The following ADGRL2 variants were observed in gnomAD, a reference collection of about 807,000 sequenced individuals.
ADGRL2 encodes adhesion G protein-coupled receptor L2.
A neutral mutation model predicts 157.4 loss-of-function variants in ADGRL2; 44 were observed. The observed-to-expected ratio is 0.28, with a 90% CI of 0.22 to 0.36. The LOEUF (loss-of-function observed/expected upper bound fraction) is 0.36. Among genes scored for constraint, ADGRL2 ranks in the 10% least tolerant of loss-of-function variants. The pLI, the probability that ADGRL2 is intolerant of heterozygous loss-of-function variation, is 1.00. For synonymous variants in ADGRL2, 585 were observed against 624.7 expected (o/e 0.94, Z 0.95); for missense variants, 1,510 against 1,768.9 (o/e 0.85, Z 2.63).
chr1:81,449,657 G>A (rs2077669636), intron 2 of ADGRL2, among the ~76,000 whole-genome samples: 2 of 151,986 alleles, frequency 1.3e-5, no homozygotes, highest in South Asian at 2.1e-4. Context: ...GCTGGAGTGC[G>A]GTGGTGCAAT....
At chr1:81,984,439 TTTTG>T in intron 19 of ADGRL2, 140 bp from the exon 20 acceptor site, 6 of 789,844 alleles carry the variant, frequency 7.6e-6, no homozygotes, top group Non-Finnish European at 1.2e-5. Flanking sequence ...TTGAACTTGA[TTTTG>T]CAAGTTCAAT....
chr1:81,879,842 T>C (rs2093940848), intron 2 of ADGRL2, among the ~76,000 whole-genome samples: 1 of 151,946 alleles, frequency 6.6e-6, no homozygotes, highest in African/African-American at 2.4e-5. Flanking sequence ...GCCTGGCCAA[T>C]GTGGTGAAAC....
chr1:81,774,000 G>C (rs527449962), intron 2 of ADGRL2, among the ~76,000 whole-genome samples: 2 of 152,236 alleles, frequency 1.3e-5, no homozygotes, highest in African/African-American at 4.8e-5. Context: ...GGAGATGATC[G>C]CCATCTACAA....
intron 2 of ADGRL2, among the ~76,000 whole-genome samples, chr1:81,477,813 G>T (rs1021947817): frequency 6.6e-6 from 1 of 152,162 alleles, no homozygotes; most frequent in South Asian, 2.1e-4. Context: ...TAGTGATTCA[G>T]CTGCTTCAGG....
intron 2 of ADGRL2, among the ~76,000 whole-genome samples, chr1:81,764,545 A>G (rs2086041431): frequency 2.0e-5 from 3 of 152,088 alleles, no homozygotes; most frequent in South Asian, 4.1e-4. Context: ...GTTTACATAA[A>G]ATTATAACAG....
At chr1:81,725,153 C>T (rs911882560) in intron 1 of ADGRL2, among the ~76,000 whole-genome samples, 3 of 132,270 alleles carry the variant, frequency 2.3e-5, no homozygotes, top group Admixed American at 8.0e-5. Context: ...TGCAGTGAGC[C>T]GAGACTGTGC....
chr1:81,433,968 T>C (rs2077366478), intron 1 of ADGRL2, among the ~76,000 whole-genome samples: 1 of 152,182 alleles, frequency 6.6e-6, no homozygotes, highest in Admixed American at 6.5e-5. Context: ...GCCTGAGCTT[T>C]CCCACAGCAT....
intron 3 of ADGRL2, among the ~76,000 whole-genome samples, chr1:81,602,883 G>T (rs150194260): frequency 0.13 from 18,370 of 140,848 alleles, 1,583 homozygotes; most frequent in Non-Finnish European, 0.18. Flanking sequence ...GGGCAACAGA[G>T]CGAGACTCTG....
At chr1:81,409,700 C>T (rs1459306592) in intron 1 of ADGRL2, among the ~76,000 whole-genome samples, 1 of 152,134 alleles carries the variant, frequency 6.6e-6, no homozygotes, top group Admixed American at 6.5e-5. Context: ...CTCCATTAGT[C>T]AAATCACAAA....
At chr1:81,555,367 C>G (rs1264371845) in intron 2 of ADGRL2, among the ~76,000 whole-genome samples, 1 of 147,700 alleles carries the variant, frequency 6.8e-6, no homozygotes, top group Non-Finnish European at 1.5e-5. Flanking sequence ...CTCCTGGGTT[C>G]AAGCGATTCT....
chr1:81,895,324 T>C (rs888927004), intron 2 of ADGRL2, among the ~76,000 whole-genome samples: 1 of 151,288 alleles, frequency 6.6e-6, no homozygotes, highest in African/African-American at 2.4e-5. Context: ...GGAAATATAA[T>C]AAAAATTGGT....
At chr1:81,509,116 T>C (rs188201458) in intron 2 of ADGRL2, among the ~76,000 whole-genome samples, 43 of 152,312 alleles carry the variant, frequency 2.8e-4, no homozygotes, top group Non-Finnish European at 5.3e-4. Context: ...ATTCCCTGCT[T>C]TTCAGAATGC....
intron 1 of ADGRL2, among the ~76,000 whole-genome samples, chr1:81,395,021 C>T (rs2076630323): frequency 6.6e-6 from 1 of 152,072 alleles, no homozygotes; most frequent in Non-Finnish European, 1.5e-5. Context: ...GCTTTAGCCT[C>T]CCGAGTAGCT....
At position 81,426,306 on chromosome 1, in the gene ADGRL2, A is replaced by T. The variant is rs547915227; in HGVS notation, c.-301-18730A>T. The stretch of plus-strand genomic sequence containing the variant: ...GGCCTATTTACAGGGGAGGTGGGTC[A>T]GACAACTTCCCTATAACCATGTTTC... On this transcript the variant is annotated intron_variant, in intron 1 of 24. Coordinates refer to the ADGRL2 transcript ENST00000370721. 14 of 234,110 alleles carry T rather than the reference A, an allele frequency of 6.0e-5. No individual in the cohort carries two copies. In the South Asian group the frequency reaches 7.2e-4, roughly 12 times the overall value. 14.5% of individuals were successfully genotyped at this position (234,110 alleles called of 1,614,324 possible). A position where few individuals can be genotyped will look rare whatever the true frequency, so the allele number is the denominator to read the frequency against.
intron 4 of ADGRL2, among the ~76,000 whole-genome samples, chr1:81,938,456 A>G (rs1204586053): frequency 6.6e-6 from 1 of 151,756 alleles, no homozygotes; most frequent in African/African-American, 2.4e-5. Context: ...GAAAATGTGG[A>G]TATCTTCTGG....
intron 2 of ADGRL2, among the ~76,000 whole-genome samples, chr1:81,876,392 A>G (rs1314258128): frequency 6.6e-6 from 1 of 152,090 alleles, no homozygotes; most frequent in Admixed American, 6.6e-5. Flanking sequence ...TTACATTGTA[A>G]TCTGTAGTAT....
At chr1:81,961,804 A>C (rs903438040) in intron 11 of ADGRL2, among the ~76,000 whole-genome samples, 14 of 152,062 alleles carry the variant, frequency 9.2e-5, no homozygotes, top group African/African-American at 3.4e-4. Flanking sequence ...GCCACTGCAC[A>C]TGGCCATAAT....
chr1:81,785,263 T>C (rs915288530), intron 2 of ADGRL2, among the ~76,000 whole-genome samples: 6 of 152,034 alleles, frequency 3.9e-5, no homozygotes, highest in Non-Finnish European at 8.8e-5. Context: ...ATTAAGAAAA[T>C]TACAGTTGAT....
At chr1:81,937,756 T>C (rs1159089776) in intron 4 of ADGRL2, among the ~76,000 whole-genome samples, 1 of 151,746 alleles carries the variant, frequency 6.6e-6, no homozygotes, top group Non-Finnish European at 1.5e-5. Context: ...TTGTACACTT[T>C]CCTCCTTTAA....
Sources: gnomAD v4.1 joint callset for allele counts (sites outside exome capture counted in the v4.1 genomes callset) on GRCh38, gnomAD v4.1.1 for gene constraint, MANE v1.5 for transcripts, NCBI Gene and HGNC (gene_info 2026-07-23, HGNC 2026-07-21) for gene names.